RHEB: variants seen among roughly 807,000 people sequenced by gnomAD.
RHEB encodes the protein GTP-binding protein Rheb.
RHEB carries 2 observed loss-of-function variants against 28.8 expected under a neutral mutation model. The observed-to-expected ratio is 0.07, with a 90% CI of 0.03 to 0.22. The LOEUF is 0.22. RHEB is among the 10% of genes least tolerant of loss of function. RHEB has a pLI of 1.00. For synonymous variants in RHEB, 69 were observed against 77.3 expected, an observed-to-expected ratio of 0.89 and a Z score of 0.56; for missense variants, 76 against 219.9, an observed-to-expected ratio of 0.35 and a Z score of 4.14.
At position 151,478,649 on chromosome 7, in the gene RHEB, T is replaced by C. The variant is rs187154613; in HGVS notation, c.193-1234A>G. ...CAGCTGATATAATTCTGATTTTTTT[T>C]TTTGAGACGTAGTTTCCCTCTTGTT... is the stretch of plus-strand genomic sequence containing the variant. On this transcript the variant is annotated intron_variant, in intron 3 of 7. Coordinates refer to ENST00000262187, the MANE Select transcript of RHEB (RefSeq NM_005614.4). Among the ~76,000 whole-genome samples, 13 of 152,268 alleles carry C rather than the reference T, an allele frequency of 8.5e-5. No homozygotes were observed. The East Asian group carries it at 2.3e-3, about 27-fold the overall frequency.
At chr7:151,474,472 C>A (rs767610109) in intron 4 of RHEB, among the ~76,000 whole-genome samples, 1 of 152,138 alleles carries the variant, frequency 6.6e-6, no homozygotes, top group African/African-American at 2.4e-5. Context: ...TGGGCCACTG[C>A]GCCTGGCCCT....
intron 3 of RHEB, among the ~76,000 whole-genome samples, chr7:151,478,567 T>C (rs1321235915): frequency 1.3e-5 from 2 of 152,124 alleles, no homozygotes; most frequent in African/African-American, 4.8e-5. Flanking sequence ...AAGTTATGTC[T>C]AAGAAGCACT....
chr7:151,506,187 A>G (rs898862829), intron 1 of RHEB, among the ~76,000 whole-genome samples: 1 of 150,174 alleles, frequency 6.7e-6, no homozygotes, highest in Non-Finnish European at 1.5e-5. Context: ...TAATGCATTT[A>G]CTTTTTTTTT....
intron 1 of RHEB, among the ~76,000 whole-genome samples, chr7:151,493,966 A>G (rs1802631326): frequency 6.6e-6 from 1 of 152,180 alleles, no homozygotes; most frequent in African/African-American, 2.4e-5. Context: ...GAAAGAAAGA[A>G]GGGAACAAAC....
chr7:151,480,031 C>T (rs2299961), intron 3 of RHEB, among the ~76,000 whole-genome samples: 88,789 of 151,600 alleles, frequency 0.59, 26,280 homozygotes, highest in African/African-American at 0.66. Context: ...ACTGCTTTTT[C>T]TCACCTATCA....
At chr7:151,491,110 C>T in intron 1 of RHEB, 96 bp from the exon 2 acceptor site, 2 of 757,438 alleles carry the variant, frequency 2.6e-6, no homozygotes, top group Non-Finnish European at 4.5e-6. Context: ...TAGATGAAGA[C>T]ACTGAAGGTA....
chr7:151,484,053 C>G (rs1169041419), intron 3 of RHEB, among the ~76,000 whole-genome samples: 2 of 152,134 alleles, frequency 1.3e-5, no homozygotes, highest in African/African-American at 4.8e-5. Flanking sequence ...TAATCACTCT[C>G]AAATCCACCC....
chr7:151,485,101 T>TC (rs1371452428), intron 2 of RHEB, among the ~76,000 whole-genome samples: 1 of 152,200 alleles, frequency 6.6e-6, no homozygotes, highest in Non-Finnish European at 1.5e-5. Context: ...GTGTGGCAAA[T>TC]CCTTCCTCTT....
At chr7:151,479,195 T>C (rs1249520978) in intron 3 of RHEB, among the ~76,000 whole-genome samples, 1 of 152,066 alleles carries the variant, frequency 6.6e-6, no homozygotes, top group Non-Finnish European at 1.5e-5. Flanking sequence ...AATATTGGCA[T>C]TTCAATCAGT....
chr7:151,481,913 T>C (rs1455117848), intron 3 of RHEB, among the ~76,000 whole-genome samples: 1 of 152,240 alleles, frequency 6.6e-6, no homozygotes, highest in Non-Finnish European at 1.5e-5. Context: ...CACTAAAATA[T>C]TTTAAATTGT....
chr7:151,478,586 A>T (rs2150923466), intron 3 of RHEB, among the ~76,000 whole-genome samples: 1 of 152,280 alleles, frequency 6.6e-6, no homozygotes, highest in South Asian at 2.1e-4. Context: ...CTGAGTAAAA[A>T]ACTACCAGTT....
chr7:151,475,373 A>G (rs751025424), intron 4 of RHEB, among the ~76,000 whole-genome samples: 4 of 152,234 alleles, frequency 2.6e-5, no homozygotes, highest in Non-Finnish European at 5.9e-5. Context: ...TTTTCTAAAA[A>G]TCAGCTAGGA....
intron 1 of RHEB, among the ~76,000 whole-genome samples, chr7:151,516,721 T>C (rs1803087882): frequency 6.6e-6 from 1 of 152,004 alleles, no homozygotes; most frequent in Non-Finnish European, 1.5e-5. Context: ...GTTTGTGGCA[T>C]GACAAATCAC....
chr7:151,500,164 A>G (rs1351532208), intron 1 of RHEB, among the ~76,000 whole-genome samples: 1 of 152,242 alleles, frequency 6.6e-6, no homozygotes, highest in Non-Finnish European at 1.5e-5. Context: ...AGGGTTTTCC[A>G]GTCAGAAGAG....
intron 1 of RHEB, among the ~76,000 whole-genome samples, chr7:151,508,376 C>T (rs965454275): frequency 6.6e-6 from 1 of 152,196 alleles, no homozygotes; most frequent in Non-Finnish European, 1.5e-5. Flanking sequence ...CACCAATTCA[C>T]TCCTCACAGT....
In RHEB at chr7:151,468,729, T is replaced by C. The variant is rs1802109869; in HGVS notation, c.463-1518A>G. Among the ~76,000 whole-genome samples, 1 of 152,218 alleles carries C rather than the reference T, an allele frequency of 6.6e-6. No homozygotes were observed. Among genetic ancestry groups the C allele is most frequent in the East Asian group, 1.9e-4 (1 of 5,198 alleles). ...CTCCCATCCTCAGCCTTCTGTCCTG[T>C]TGGTATGAATGAGGCGTCTGTCCTC... On this transcript the variant is annotated intron_variant, in intron 7 of 7. Coordinates refer to ENST00000262187, the MANE Select transcript of RHEB (RefSeq NM_005614.4). This position sits in a 1 kb window ranked among gnomAD's most constrained non-coding sequence, Gnocchi z 4.3.
At chr7:151,508,039 G>A (rs1315420260) in intron 1 of RHEB, among the ~76,000 whole-genome samples, 4 of 152,162 alleles carry the variant, frequency 2.6e-5, no homozygotes, top group Non-Finnish European at 5.9e-5. Flanking sequence ...AACAATAATA[G>A]CCCTGATAAA....
chr7:151,512,835 T>G (rs1357942067), intron 1 of RHEB, among the ~76,000 whole-genome samples: 1 of 152,228 alleles, frequency 6.6e-6, no homozygotes, highest in Admixed American at 6.5e-5. Flanking sequence ...AGGGGTCTCA[T>G]GAGGTCAAAA....
intron 1 of RHEB, among the ~76,000 whole-genome samples, chr7:151,492,879 C>T (rs1802609359): frequency 7.3e-6 from 1 of 137,646 alleles, no homozygotes; most frequent in Admixed American, 8.2e-5. Context: ...TGCTGTGTCA[C>T]CCAGGCTGGA....
Sources: gnomAD v4.1 joint callset for allele counts (sites outside exome capture counted in the v4.1 genomes callset) on GRCh38, gnomAD v4.1.1 for gene constraint, Gnocchi (gnomAD v3.1) non-coding constraint, MANE v1.5 for transcripts, NCBI Gene and HGNC (gene_info 2026-07-23, HGNC 2026-07-21) for gene names.